The following IBTK variants were observed in gnomAD, a reference collection of about 807,000 sequenced individuals.
IBTK encodes the protein BTK-binding protein.
A neutral mutation model predicts 154.9 loss-of-function variants in IBTK; 83 were observed. The ratio of observed to expected loss-of-function variants is 0.54; its 90% CI spans 0.45 to 0.64. The LOEUF (loss-of-function observed/expected upper bound fraction) is 0.64. IBTK is among the 30% of genes least tolerant of loss of function. The pLI is 0.00. For synonymous variants in IBTK, 515 were observed against 536.1 expected, an observed-to-expected ratio of 0.96 and a Z score of 0.54; for missense variants, 1,332 against 1,584.6, an observed-to-expected ratio of 0.84 and a Z score of 2.71.
rs1354272460 is a variant in IBTK, at chr6:82,225,607, G to A, written c.695C>T (p.Ser232Phe). The stretch of plus-strand genomic sequence containing the variant: ...ATGATCCTTAGCAGCTGCCACTTGG[G>A]AACAATTATGACCATTCAGTCCTTC... ...LVEGLNGHNC[S>F]QVAAAKDHTV... is the part of the protein sequence containing the mutation. The change falls in exon 6 of 29, where the codon TCC (serine) becomes TTC (phenylalanine). Residue 232 changes from serine to phenylalanine, a missense_variant. Coordinates refer to ENST00000306270, the MANE Select transcript of IBTK (RefSeq NM_015525.4). The A allele has an allele frequency of 1.2e-6, 2 of 1,613,030 alleles. No homozygotes were observed. The highest frequency in any genetic ancestry group is 1.7e-6 in the Non-Finnish European group (2 of 1,179,600).
At chr6:82,208,729 A>G (rs185803498) in intron 16 of IBTK, among the ~76,000 whole-genome samples, 34 of 152,230 alleles carry the variant, frequency 2.2e-4, no homozygotes, top group Admixed American at 5.9e-4. Flanking sequence ...GCCCAATGGA[A>G]TAAGACCCTG....
intron 16 of IBTK, among the ~76,000 whole-genome samples, chr6:82,209,262 T>A (rs1022526551): frequency 6.6e-6 from 1 of 152,064 alleles, no homozygotes; most frequent in Non-Finnish European, 1.5e-5. Flanking sequence ...ACGCAAAAAC[T>A]TAGGCATGAG....
chr6:82,200,628 A>G lies in IBTK; in HGVS notation c.2871T>C (p.Asp957=). The change falls in exon 20 of 29, where the codon GAT becomes GAC. Residue 957 remains aspartate (D), a synonymous_variant. Transcript: ENST00000306270. ...DISYLEVEDG[D]IFLKEEINME... ...TATTTATTTCTTCTTTCAAGAAGAT[A>G]TCTCCATCTTCTACTTCCAAATAGC... The G allele has an allele frequency of 6.3e-6, 10 of 1,589,226 alleles. No individual in the cohort carries two copies. Among genetic ancestry groups the G allele is most frequent in the Non-Finnish European group, 7.7e-6 (9 of 1,168,070 alleles).
chr6:82,192,377 T>G (rs1768799145), intron 23 of IBTK, among the ~76,000 whole-genome samples: 2 of 152,106 alleles, frequency 1.3e-5, no homozygotes, highest in African/African-American at 4.8e-5. Flanking sequence ...TAGAAAAACT[T>G]GGGGATACTA....
intron 3 of IBTK, among the ~76,000 whole-genome samples, chr6:82,232,649 G>A (rs1216602240): frequency 3.9e-5 from 6 of 152,154 alleles, no homozygotes; most frequent in South Asian, 2.1e-4. Flanking sequence ...TTTCTTTTCT[G>A]CCAATTCCCA....
chr6:82,231,896 A>G, intron 3 of IBTK, 54 bp from the exon 4 acceptor site: 1 of 951,470 alleles, frequency 1.1e-6, no homozygotes, highest in South Asian at 1.8e-5. Flanking sequence ...ACATATAAGA[A>G]CTAATTTAAC....
intron 1 of IBTK, among the ~76,000 whole-genome samples, chr6:82,241,862 G>T (rs1225832348): frequency 2.0e-5 from 3 of 152,148 alleles, no homozygotes; most frequent in Non-Finnish European, 4.4e-5. Flanking sequence ...TTTACTATAT[G>T]TATAGGGAAA....
rs1309344748 is a variant in IBTK, at chr6:82,214,341, C to T, written c.2090G>A (p.Arg697Lys). 2 of 1,613,932 alleles carry T rather than the reference C, an allele frequency of 1.2e-6. No homozygotes were observed. The highest frequency in any genetic ancestry group is 1.7e-6 in the Non-Finnish European group (2 of 1,180,002). The part of the protein sequence containing the change: ...KSNQAQTVSE[R>K]QKSKPKSCKK... ...ACAAGATTTAGGTTTGCTCTTCTGC[C>T]TCTCACTAACTGTTTGAGCTTGATT... Residue 697 changes from arginine to lysine, a missense_variant, in exon 12 of 29, where the codon AGG becomes AAG. Around this residue, in one of 3 missense-constraint regions of IBTK, gnomAD observed 1,134 missense variants for 1,274.7 expected, o/e 0.89. Transcript: ENST00000306270.
chr6:82,179,177 A>G (rs1768223842), intron 26 of IBTK, among the ~76,000 whole-genome samples: 1 of 152,222 alleles, frequency 6.6e-6, no homozygotes, highest in South Asian at 2.1e-4. Flanking sequence ...AATATTTAAG[A>G]GATAAAAGTG....
chr6:82,240,372 T>A lies in IBTK; in HGVS notation c.115A>T (p.Ser39Cys). The A allele has an allele frequency of 6.2e-7, 1 of 1,614,212 alleles. No individual in the cohort carries two copies. Among genetic ancestry groups the A allele is most frequent in the South Asian group, 1.1e-5 (1 of 91,082 alleles). The stretch of plus-strand genomic sequence containing the variant: ...ATAGTTGCAGCATTGTAACAATGAC[T>A]GGAGAGAAAGGCCTTAATCTGGTTT... Reference protein sequence around the residue: ...SENQIKAFLSSHCYNAATIKD... With the variant: ...SENQIKAFLSCHCYNAATIKD... Residue 39 changes from serine (S) to cysteine (C), a missense_variant, in exon 2 of 29, where the codon AGT becomes TGT. By Grantham distance (112) the Ser-to-Cys change is moderately radical (BLOSUM62 -1). Coordinates refer to ENST00000306270, the MANE Select transcript of IBTK (RefSeq NM_015525.4).
chr6:82,209,377 C>G (rs1171492386), intron 16 of IBTK, among the ~76,000 whole-genome samples: 1 of 152,062 alleles, frequency 6.6e-6, no homozygotes, highest in African/African-American at 2.4e-5. Flanking sequence ...TATTATTTGG[C>G]AATAAAAAAC....
chr6:82,226,371 A>G (rs1770298062), intron 5 of IBTK, among the ~76,000 whole-genome samples: 1 of 152,204 alleles, frequency 6.6e-6, no homozygotes, highest in Admixed American at 6.5e-5. Context: ...GTATATCAGA[A>G]GTCCCCACAA....
intron 11 of IBTK, 116 bp downstream of exon 11, chr6:82,215,960 T>C (rs1265331638): frequency 3.1e-6 from 2 of 655,422 alleles, no homozygotes; most frequent in African/African-American, 3.7e-5. Context: ...ATGTCTAAGG[T>C]CTCTATAGGT....
rs561896766 is a variant in IBTK, at chr6:82,246,515, G to A, written c.-358+1047C>T. Among the ~76,000 whole-genome samples, 292 of 147,574 alleles carry A rather than the reference G, an allele frequency of 2.0e-3. 3 individuals are homozygous for A. Among genetic ancestry groups the A allele is most frequent in the Admixed American group, 9.0e-3 (132 of 14,656 alleles). On this transcript the variant is annotated intron_variant, in intron 1 of 28. Transcript: ENST00000306270. ...GATGGAGTGCAGCGGCGCGATCTCGGCTCACTGCAACCTCCACCTCCCGGG... is the reference window on the plus strand; with the variant it reads ...GATGGAGTGCAGCGGCGCGATCTCGACTCACTGCAACCTCCACCTCCCGGG...
intron 16 of IBTK, chr6:82,210,231 G>T (rs1350081409): frequency 6.6e-6 from 1 of 151,872 alleles, no homozygotes; most frequent in Non-Finnish European, 1.5e-5. Context: ...GTAAGTATTT[G>T]TCAAAACTAT....
intron 26 of IBTK, among the ~76,000 whole-genome samples, chr6:82,178,450 C>A (rs1365452457): frequency 6.6e-6 from 1 of 152,000 alleles, no homozygotes; most frequent in Admixed American, 6.6e-5. Context: ...ATTGATATAT[C>A]TAAGACATGC....
intron 26 of IBTK, among the ~76,000 whole-genome samples, chr6:82,176,223 T>C (rs1768108194): frequency 6.6e-6 from 1 of 151,778 alleles, no homozygotes; most frequent in Non-Finnish European, 1.5e-5. Flanking sequence ...TTTTTTTCAC[T>C]AATTAGAAAC....
At chr6:82,241,661 T>G (rs936649581) in intron 1 of IBTK, among the ~76,000 whole-genome samples, 2 of 152,346 alleles carry the variant, frequency 1.3e-5, no homozygotes, top group Admixed American at 1.3e-4. Flanking sequence ...AACACCTTTC[T>G]AAGCAGGATC....
At chr6:82,212,869 T>C in intron 12 of IBTK, 76 bp from the exon 13 acceptor site, 1 of 808,344 alleles carries the variant, frequency 1.2e-6, no homozygotes, top group Non-Finnish European at 2.1e-6. Context: ...TCCAACAAAT[T>C]AGCTTACATC....
Sources: allele counts gnomAD v4.1 joint callset (sites outside exome capture counted in the v4.1 genomes callset), GRCh38; gene constraint gnomAD v4.1.1; regional missense constraint gnomAD v4.1.1; transcripts MANE v1.5; gene names NCBI Gene and HGNC (gene_info 2026-07-23, HGNC 2026-07-21).